The following MTMR1 variants were observed in gnomAD, a reference collection of about 807,000 sequenced individuals.
MTMR1 encodes myotubularin related protein 1.
MTMR1 carries 17 observed loss-of-function variants against 51.6 expected under a neutral mutation model. The ratio of observed to expected loss-of-function variants is 0.33; its 90% CI spans 0.23 to 0.49. The LOEUF (loss-of-function observed/expected upper bound fraction) is 0.49, where lower values mean the gene tolerates loss of function less well. Among genes scored for constraint, MTMR1 ranks in the 20% least tolerant of loss-of-function variants. The pLI is 0.99. For synonymous variants in MTMR1, 201 were observed against 205.6 expected, an observed-to-expected ratio of 0.98 and a Z score of 0.19; for missense variants, 386 against 526.9, an observed-to-expected ratio of 0.73 and a Z score of 2.62.
chrX:150,741,925 A>G (rs181044177), intron 12 of MTMR1, among the ~76,000 whole-genome samples: 88 of 112,773 alleles, frequency 7.8e-4, no homozygotes, highest in African/African-American at 2.7e-3. Flanking sequence ...TGGAACTACC[A>G]CATGATCTGA....
chrX:150,723,249 A>G (rs1296872567), intron 4 of MTMR1, among the ~76,000 whole-genome samples: 2 of 111,433 alleles, frequency 1.8e-5, no homozygotes, highest in South Asian at 3.7e-4. Flanking sequence ...GATCCAGTCT[A>G]TCATTGTTGG....
At chrX:150,736,802 T>C (rs370993267) in intron 11 of MTMR1, 22 bp downstream of exon 11, 3 of 1,162,365 alleles carry the variant, frequency 2.6e-6, no homozygotes, top group Non-Finnish European at 3.5e-6. Flanking sequence ...CAGCACTTTA[T>C]ATGCTTTCCA....
chrX:150,753,001 C>G (rs782572148), intron 14 of MTMR1, among the ~76,000 whole-genome samples: 1 of 111,077 alleles, frequency 9.0e-6, no homozygotes, highest in Admixed American at 9.6e-5. Context: ...GCAATCACTT[C>G]CCATTTCCCC....
chrX:150,717,067 AAAG>A (rs2041547601), intron 3 of MTMR1, among the ~76,000 whole-genome samples: 1 of 111,011 alleles, frequency 9.0e-6, no homozygotes, highest in African/African-American at 3.3e-5. Context: ...CTCACTAAAA[AAAG>A]CAAATGAGGC....
chrX:150,741,382 G>T (rs1344278838), intron 12 of MTMR1, among the ~76,000 whole-genome samples: 1 of 112,030 alleles, frequency 8.9e-6, no homozygotes, highest in African/African-American at 3.2e-5. Context: ...TACCTGGGAA[G>T]CAGGCATCTC....
At chrX:150,712,885 A>G in intron 3 of MTMR1, 1 of 783,774 alleles carries the variant, frequency 1.3e-6, no homozygotes. Flanking sequence ...TTTTTAAAAT[A>G]CAGATATAGT....
At chrX:150,729,478 T>A (rs1390734002) in intron 6 of MTMR1, among the ~76,000 whole-genome samples, 1 of 112,153 alleles carries the variant, frequency 8.9e-6, no homozygotes, top group Non-Finnish European at 1.9e-5. Flanking sequence ...CCTAGATTAC[T>A]AAGGTAATGC....
chrX:150,736,458 G>A (rs1557417162), intron 10 of MTMR1, 137 bp from the exon 11 acceptor site: 2 of 520,870 alleles, frequency 3.8e-6, no homozygotes, highest in African/African-American at 4.7e-5. Flanking sequence ...AGCAGCCCTA[G>A]GAAACTCATA....
intron 12 of MTMR1, among the ~76,000 whole-genome samples, chrX:150,743,543 C>A (rs558914923): frequency 1.8e-5 from 2 of 112,174 alleles, no homozygotes; most frequent in South Asian, 7.3e-4. Context: ...TATTTGTTTT[C>A]ATGTCTTTCC....
intron 4 of MTMR1, among the ~76,000 whole-genome samples, chrX:150,722,850 T>A (rs1272535467): frequency 1.8e-5 from 2 of 109,724 alleles, no homozygotes; most frequent in African/African-American, 3.4e-5. Flanking sequence ...AAACTTTTTT[T>A]ATTTTATTAT....
At chrX:150,705,688 T>G (rs1289439191) in intron 2 of MTMR1, among the ~76,000 whole-genome samples, 2 of 111,108 alleles carry the variant, frequency 1.8e-5, no homozygotes, top group Non-Finnish European at 3.8e-5. Flanking sequence ...AGCATACCTA[T>G]CCTAAAAGAA....
At chrX:150,733,457 C>T (rs2042176187) in intron 10 of MTMR1, among the ~76,000 whole-genome samples, 1 of 111,062 alleles carries the variant, frequency 9.0e-6, no homozygotes, top group African/African-American at 3.3e-5. Flanking sequence ...CTGATCCCTC[C>T]TAAGGTTGAG....
chrX:150,750,477 T>C (rs782279452), intron 13 of MTMR1, among the ~76,000 whole-genome samples: 1 of 111,882 alleles, frequency 8.9e-6, no homozygotes, highest in East Asian at 2.8e-4. Flanking sequence ...CCTGCCGCCA[T>C]GGTGAGAAGT....
At chrX:150,758,429 G>A (rs1324522598) in intron 15 of MTMR1, among the ~76,000 whole-genome samples, 1 of 111,993 alleles carries the variant, frequency 8.9e-6, no homozygotes, top group African/African-American at 3.3e-5. Flanking sequence ...AGCTCCCCAC[G>A]CCCTCTGCCA....
chrX:150,762,919 T>C lies in MTMR1; in HGVS notation c.*190T>C. 4.5e-6 allele frequency: 2 copies of C among 444,525 alleles called. No individual in the cohort carries two copies. Among genetic ancestry groups the C allele is most frequent in the Non-Finnish European group, 7.0e-6 (2 of 286,278 alleles). The allele number at this position is 444,525 out of a possible 1,213,427, so 36.6% of individuals were successfully genotyped here. On this transcript the variant is annotated 3_prime_UTR_variant, in exon 16 of 16. Transcript: ENST00000445323. ...TGTCAGCGGTTTCACAGGGGAGCCG[T>C]CTGTCACGCCCACCCTGTGAAGCAA...
intron 14 of MTMR1, among the ~76,000 whole-genome samples, chrX:150,753,173 C>A (rs1419450159): frequency 8.9e-6 from 1 of 112,314 alleles, no homozygotes; most frequent in Non-Finnish European, 1.9e-5. Flanking sequence ...CCAATACATC[C>A]TTTTTATGGC....
chrX:150,728,569 C>A lies in MTMR1; in HGVS notation c.555+778C>A, dbSNP rs1304679203. Among the ~76,000 whole-genome samples the A allele has an allele frequency of 2.7e-5, 3 of 111,680 alleles. No individual in the cohort carries two copies. The East Asian group carries it at 8.4e-4, about 31-fold the overall frequency. ...CTTGGAATTTTTATGTTGAGCTGGG[C>A]TTATTTGTTTATTTTGTACCCTTCT... On this transcript the variant is annotated intron_variant, in intron 6 of 15. Coordinates refer to ENST00000445323, the MANE Select transcript of MTMR1 (RefSeq NM_001306144.3).
chrX:150,751,105 T>C, intron 14 of MTMR1: 1 of 1,074,544 alleles, frequency 9.3e-7, no homozygotes, highest in Non-Finnish European at 1.2e-6. Context: ...ACCTCCTGAC[T>C]CCGAGTTCAT....
intron 14 of MTMR1, among the ~76,000 whole-genome samples, chrX:150,753,709 T>G (rs1485639453): frequency 4.4e-5 from 5 of 112,456 alleles, no homozygotes; most frequent in Non-Finnish European, 9.4e-5. Context: ...ATACATTCTT[T>G]ATATATTCAA....
Sources: gnomAD v4.1 joint callset for allele counts (sites outside exome capture counted in the v4.1 genomes callset) on GRCh38, gnomAD v4.1.1 for gene constraint, MANE v1.5 for transcripts, NCBI Gene and HGNC (gene_info 2026-07-23, HGNC 2026-07-21) for gene names.